The following ERN1 variants were observed in gnomAD, a reference collection of about 807,000 sequenced individuals.
ERN1 encodes the protein endoplasmic reticulum to nucleus signaling 1, also known as serine/threonine-protein kinase/endoribonuclease IRE1.
A neutral mutation model predicts 113.1 loss-of-function variants in ERN1; 39 were observed. The observed-to-expected ratio is 0.34, with a 90% confidence interval of 0.27 to 0.45. The LOEUF (loss-of-function observed/expected upper bound fraction) is 0.45, where lower values mean the gene tolerates loss of function less well. ERN1 is among the 20% of genes least tolerant of loss of function. The pLI is 1.00. For synonymous variants in ERN1, 507 were observed against 515.9 expected (o/e 0.98, Z 0.23); for missense variants, 976 against 1,274.8 (o/e 0.77, Z 3.57).
intron 1 of ERN1, among the ~76,000 whole-genome samples, chr17:64,110,378 C>G (rs2143480633): frequency 6.6e-6 from 1 of 152,262 alleles, no homozygotes; most frequent in South Asian, 2.1e-4. Context: ...AATCTACTCT[C>G]TTAGCCATTT....
chr17:64,092,776 G>A (rs1455950156), intron 2 of ERN1, among the ~76,000 whole-genome samples: 2 of 152,150 alleles, frequency 1.3e-5, no homozygotes, highest in African/African-American at 2.4e-5. Flanking sequence ...CCCTACACCA[G>A]CCCTGGAAAT....
intron 7 of ERN1, chr17:64,067,922 T>C (rs564011916): frequency 2.7e-6 from 1 of 372,358 alleles, no homozygotes; most frequent in African/African-American, 2.0e-5. Context: ...ATTCCTTCTG[T>C]GACATAGAAA....
chr17:64,054,705 C>A lies in ERN1; in HGVS notation c.1763+33G>T. On this transcript the variant is annotated intron_variant, in intron 14 of 21. Transcript: ENST00000433197. The surrounding 1 kb of genome is among the most constrained non-coding windows in gnomAD (Gnocchi z 4.9). The stretch of plus-strand genomic sequence containing the variant: ...ACCTGACAGGCACTTAGACACCAGG[C>A]GGTGAGGGCAGGGGGCTGGCTAATC... 6.6e-7 allele frequency: 1 copy of A among 1,519,866 alleles called. No individual in the cohort carries two copies. The highest frequency in any genetic ancestry group is 9.0e-7 in the Non-Finnish European group (1 of 1,112,044). The allele number at this position is 1,519,866 out of a possible 1,614,324, so 94.1% of individuals were successfully genotyped here. A position where few individuals can be genotyped will look rare whatever the true frequency, so the allele number is the denominator to read the frequency against.
chr17:64,058,667 C>T (rs1465780599), intron 11 of ERN1, among the ~76,000 whole-genome samples: 4 of 152,114 alleles, frequency 2.6e-5, no homozygotes, highest in African/African-American at 9.7e-5. Context: ...TAGAAAAATG[C>T]ATTGACTCAC....
Position 64,042,029 on chromosome 17 carries a change from T to G in ERN1, c.*1959A>C, listed in dbSNP as rs196903. The G allele has an allele frequency of 0.95, 144,805 of 152,324 alleles. 69,262 individuals carry two copies. Among genetic ancestry groups the G allele is most frequent in the East Asian group, 1 (5,184 of 5,184 alleles). 9.4% of individuals were successfully genotyped at this position (152,324 alleles called of 1,614,324 possible). A position where few individuals can be genotyped will look rare whatever the true frequency, so the allele number is the denominator to read the frequency against. On this transcript the variant is annotated 3_prime_UTR_variant, in exon 22 of 22. Coordinates refer to ENST00000433197, the MANE Select transcript of ERN1 (RefSeq NM_001433.5). ...AACCTGTGCTGAGAACGAGCTGGGCTGGGGGCACTCCCTGTGGCAGGCCTG... is the reference window on the plus strand; with the variant it reads ...AACCTGTGCTGAGAACGAGCTGGGCGGGGGGCACTCCCTGTGGCAGGCCTG...
intron 6 of ERN1, among the ~76,000 whole-genome samples, chr17:64,070,378 C>T (rs1913371624): frequency 6.6e-6 from 1 of 152,192 alleles, no homozygotes; most frequent in South Asian, 2.1e-4. Flanking sequence ...CCTATGCACA[C>T]ACATTCCACC....
At chr17:64,081,419 C>T (rs533068529) in intron 2 of ERN1, among the ~76,000 whole-genome samples, 6 of 152,052 alleles carry the variant, frequency 3.9e-5, no homozygotes, top group Non-Finnish European at 7.4e-5. Flanking sequence ...AAGATGTGTA[C>T]GTAGCAGCAT....
chr17:64,053,050 G>A (rs1567862257), intron 16 of ERN1, 71 bp from the exon 17 acceptor site: 1 of 1,265,546 alleles, frequency 7.9e-7, no homozygotes, highest in East Asian at 2.5e-5. Flanking sequence ...TGGGGAATGT[G>A]TCCTCGTCAG....
intron 2 of ERN1, among the ~76,000 whole-genome samples, chr17:64,092,533 C>T (rs1024067454): frequency 1.3e-5 from 2 of 152,110 alleles, no homozygotes; most frequent in African/African-American, 4.8e-5. Context: ...ACTCAAGGGA[C>T]ATCTCCGGAG....
intron 1 of ERN1, among the ~76,000 whole-genome samples, chr17:64,104,962 C>T (rs1292612035): frequency 6.6e-6 from 1 of 152,074 alleles, no homozygotes; most frequent in East Asian, 1.9e-4. Flanking sequence ...ATAATCTCTG[C>T]TCCATTTACA....
chr17:64,088,824 G>A (rs1200154133), intron 2 of ERN1, among the ~76,000 whole-genome samples: 1 of 152,168 alleles, frequency 6.6e-6, no homozygotes, highest in African/African-American at 2.4e-5. Flanking sequence ...CAAGCACAGG[G>A]ATGACAAGAC....
chr17:64,102,939 G>A, intron 1 of ERN1: 2 of 985,350 alleles, frequency 2.0e-6, no homozygotes, highest in Non-Finnish European at 2.4e-6. Context: ...GGCTTTGATG[G>A]TGACTTGTAG....
chr17:64,044,811 C>CCG lies in ERN1; in HGVS notation c.2721+48_2721+49insCG. 1 of 1,140,238 alleles carries CCG rather than the reference C, an allele frequency of 8.8e-7. No individual in the cohort carries two copies. The highest frequency in any genetic ancestry group is 1.3e-6 in the Non-Finnish European group (1 of 769,496). The allele number at this position is 1,140,238 out of a possible 1,614,324, so 70.6% of individuals were successfully genotyped here. On this transcript the variant is annotated intron_variant, in intron 21 of 21. Transcript: ENST00000433197. The surrounding 1 kb of genome is among the most constrained non-coding windows in gnomAD (Gnocchi z 4.1). ...AGAATGGATGAAAGGAGGAAGGTGT[C>CCG]CATGTCATGGCCACTGGGTCTCCTC... is the stretch of plus-strand genomic sequence containing the variant.
Position 64,054,242 on chromosome 17 carries a change from A to T in ERN1, c.1953+8T>A. On this transcript the variant is annotated splice_region_variant and intron_variant, in intron 15 of 21. Coordinates refer to ENST00000433197, the MANE Select transcript of ERN1 (RefSeq NM_001433.5). This position sits in a 1 kb window ranked among gnomAD's most constrained non-coding sequence, Gnocchi z 4.9. ...ATAAAGTTAACAAAATAAAAAAAAT[A>T]AATCCACCTCTTGCAGGGTGGCTGC... The T allele has an allele frequency of 6.3e-7, 1 of 1,599,000 alleles. No homozygotes were observed. Among genetic ancestry groups the T allele is most frequent in the Admixed American group, 1.7e-5 (1 of 58,610 alleles).
chr17:64,115,737 A>G (rs1914787494), intron 1 of ERN1, among the ~76,000 whole-genome samples: 1 of 152,222 alleles, frequency 6.6e-6, no homozygotes, highest in Admixed American at 6.5e-5. Context: ...AGCTGACAGA[A>G]GATGAGGTGG....
chr17:64,075,002 G>A, intron 5 of ERN1, 173 bp downstream of exon 5: 1 of 598,322 alleles, frequency 1.7e-6, no homozygotes, highest in East Asian at 3.1e-5. Flanking sequence ...CAAGTTGGGG[G>A]AGCCCTTTCT....
In ERN1 at chr17:64,130,010, A is replaced by AGCAGCC; in HGVS notation, c.14_19dup (p.Arg5_Leu6dup). 6.9e-7 allele frequency: 1 copy of AGCAGCC among 1,442,562 alleles called. No individual in the cohort carries two copies. Among genetic ancestry groups the AGCAGCC allele is most frequent in the Non-Finnish European group, 9.1e-7 (1 of 1,103,038 alleles). The allele number at this position is 1,442,562 out of a possible 1,614,324, so 89.4% of individuals were successfully genotyped here. Reference sequence around the variant, plus strand: ...GGGCAGCAGCAGCGTCAGCAGCAGCAGCAGCCGCCGGGCCGGCATGGCGAG... The same window carrying AGCAGCC: ...GGGCAGCAGCAGCGTCAGCAGCAGCAGCAGCCGCAGCCGCCGGGCCGGCATGGCGAG... On this transcript the variant is annotated inframe_insertion, in exon 1 of 22. Transcript: ENST00000433197. This position sits in a 1 kb window ranked among gnomAD's most constrained non-coding sequence, Gnocchi z 4.0.
At chr17:64,069,541 G>A (rs1913342614) in intron 6 of ERN1, among the ~76,000 whole-genome samples, 1 of 152,120 alleles carries the variant, frequency 6.6e-6, no homozygotes. Context: ...GGCAAAACTG[G>A]GCCCTAATGA....
intron 2 of ERN1, among the ~76,000 whole-genome samples, chr17:64,089,757 T>G (rs1271432596): frequency 6.6e-6 from 1 of 151,966 alleles, no homozygotes; most frequent in African/African-American, 2.4e-5. Flanking sequence ...CTGAGCCCTG[T>G]CTAGATAAAT....
Sources: allele counts gnomAD v4.1 joint callset (sites outside exome capture counted in the v4.1 genomes callset), GRCh38; gene constraint gnomAD v4.1.1; non-coding constraint Gnocchi (gnomAD v3.1); transcripts MANE v1.5; gene names NCBI Gene and HGNC (gene_info 2026-07-23, HGNC 2026-07-21).